The following DDIAS variants were observed in gnomAD, a reference collection of about 807,000 sequenced individuals.
DDIAS encodes DNA damage-induced apoptosis suppressor protein.
A neutral mutation model predicts 15.7 loss-of-function variants in DDIAS; 14 were observed. The ratio of observed to expected loss-of-function variants is 0.89; its 90% CI spans 0.59 to 1.39. The LOEUF (loss-of-function observed/expected upper bound fraction) is 1.39. Among genes scored for constraint, DDIAS ranks in the 40% most tolerant of loss-of-function variants. DDIAS has a pLI of 0.00. For missense variants in DDIAS, 1,035 were observed against 1,130.9 expected (o/e 0.92, Z 1.22); for synonymous variants, 355 against 395.9 (o/e 0.90, Z 1.23).
intron 1 of DDIAS, among the ~76,000 whole-genome samples, chr11:82,910,138 T>G (rs1318250269): frequency 6.6e-6 from 1 of 152,240 alleles, no homozygotes; most frequent in African/African-American, 2.4e-5. Context: ...TTGAAAGTTT[T>G]TGCCATGTGT....
intron 1 of DDIAS, among the ~76,000 whole-genome samples, chr11:82,906,517 A>C (rs1165871427): frequency 1.3e-5 from 2 of 151,886 alleles, no homozygotes; most frequent in Non-Finnish European, 1.5e-5. Flanking sequence ...CCAATTAGCA[A>C]TTTTTTTTAG....
intron 1 of DDIAS, among the ~76,000 whole-genome samples, chr11:82,905,504 C>G (rs1300971966): frequency 1.3e-5 from 2 of 152,048 alleles, no homozygotes; most frequent in African/African-American, 4.8e-5. Flanking sequence ...CACTACCACC[C>G]TGAGAAAATA....
intron 3 of DDIAS, among the ~76,000 whole-genome samples, chr11:82,918,480 G>T (rs1489724662): frequency 6.6e-6 from 1 of 152,184 alleles, no homozygotes; most frequent in East Asian, 1.9e-4. Context: ...GGTGACGATG[G>T]CCTTATAGTA....
intron 3 of DDIAS, among the ~76,000 whole-genome samples, chr11:82,920,999 G>A (rs1860735643): frequency 6.6e-6 from 1 of 152,040 alleles, no homozygotes; most frequent in Non-Finnish European, 1.5e-5. Context: ...CTATTATTGT[G>A]TTGCTGTCTA....
chr11:82,912,691 T>A lies in DDIAS; in HGVS notation c.-116-596T>A, dbSNP rs185969698. Among the ~76,000 whole-genome samples, 499 of 152,346 alleles carry A rather than the reference T, an allele frequency of 3.3e-3. 9 individuals carry two copies. The highest frequency in any genetic ancestry group is 5.0e-3 in the East Asian group (26 of 5,192). Reference sequence around the variant, plus strand: ...GAGTAGCACTTTTAATTTCCTTCAATAACATTTCCTTTACATTCACAACTT... The same window carrying A: ...GAGTAGCACTTTTAATTTCCTTCAAAAACATTTCCTTTACATTCACAACTT... On this transcript the variant is annotated intron_variant, in intron 1 of 5. Coordinates refer to ENST00000533655, the MANE Select transcript of DDIAS (RefSeq NM_145018.4).
At chr11:82,930,986 TTCCCC>T (rs901729552) in intron 5 of DDIAS, among the ~76,000 whole-genome samples, 3 of 152,106 alleles carry the variant, frequency 2.0e-5, no homozygotes, top group Non-Finnish European at 4.4e-5. Flanking sequence ...CCTCCCCTTT[TTCCCC>T]TCCCCTCCCC....
chr11:82,922,947 A>AT (rs1224968544), intron 3 of DDIAS, among the ~76,000 whole-genome samples: 1 of 151,912 alleles, frequency 6.6e-6, no homozygotes, highest in Non-Finnish European at 1.5e-5. Flanking sequence ...AGCTGCAGTG[A>AT]TTGTTATCTC....
At chr11:82,906,196 C>T (rs780829740) in intron 1 of DDIAS, among the ~76,000 whole-genome samples, 24 of 152,088 alleles carry the variant, frequency 1.6e-4, no homozygotes, top group African/African-American at 5.3e-4. Flanking sequence ...CTGTCTGAAA[C>T]GATCTTATTC....
At chr11:82,907,933 C>T (rs182790376) in intron 1 of DDIAS, among the ~76,000 whole-genome samples, 2 of 152,192 alleles carry the variant, frequency 1.3e-5, no homozygotes, top group African/African-American at 2.4e-5. Flanking sequence ...ACTAGGTCCC[C>T]GTCTTTATGA....
chr11:82,926,000 A>T lies in DDIAS; in HGVS notation c.114-2777A>T, dbSNP rs536317890. Among the ~76,000 whole-genome samples the T allele has an allele frequency of 8.4e-4, 122 of 144,494 alleles. 1 individual carries two copies. The highest frequency in any genetic ancestry group is 2.0e-3 in the Admixed American group (28 of 14,318). 94.8% of individuals were successfully genotyped at this position (144,494 alleles called of 152,430 possible). ...GACACTGTCTCAAAAAAAAAAAAAA[A>T]TTTTGACTATGGTAATCATTATACA... On this transcript the variant is annotated intron_variant, in intron 3 of 5. Transcript: ENST00000533655.
intron 5 of DDIAS, among the ~76,000 whole-genome samples, 153 bp downstream of exon 5, chr11:82,930,427 T>TAAA: frequency 6.6e-6 from 1 of 152,332 alleles, no homozygotes; most frequent in Admixed American, 6.5e-5. Context: ...GGTGGTCTGT[T>TAAA]AAAACACCAT....
rs369187407 is a variant in DDIAS at position 82,933,234 on chromosome 11, A to C, written c.1896A>C (p.Thr632=). Residue 632 remains threonine, a synonymous_variant, in exon 6 of 6, where the codon ACA becomes ACC. Transcript: ENST00000533655. ...DDSFTICRKL[T]YPLETLCNSP... ...GTTTTACAATTTGCAGGAAACTTAC[A>C]TATCCTTTAGAAACTCTTTGCAATA... 1.2e-6 allele frequency: 2 copies of C among 1,612,184 alleles called. No homozygotes were observed. Among genetic ancestry groups the C allele is most frequent in the African/African-American group, 2.7e-5 (2 of 74,808 alleles).
chr11:82,903,697 C>T (rs951329254), intron 1 of DDIAS, among the ~76,000 whole-genome samples: 1 of 152,088 alleles, frequency 6.6e-6, no homozygotes, highest in South Asian at 2.1e-4. Context: ...AAAAATTAAA[C>T]AAGTATGTGC....
intron 5 of DDIAS, 86 bp from the exon 6 acceptor site, chr11:82,931,646 A>G: frequency 8.0e-7 from 1 of 1,253,106 alleles, no homozygotes; most frequent in South Asian, 1.5e-5. Flanking sequence ...GGCATGAGCC[A>G]CTGTGCCTGG....
At chr11:82,926,168 C>T (rs113602539) in intron 3 of DDIAS, among the ~76,000 whole-genome samples, 2 of 150,486 alleles carry the variant, frequency 1.3e-5, no homozygotes, top group African/African-American at 4.9e-5. Context: ...CAGCTCACCA[C>T]AACCTCTGCC....
intron 4 of DDIAS, 52 bp downstream of exon 4, chr11:82,928,990 T>A: frequency 1.3e-6 from 2 of 1,557,452 alleles, no homozygotes; most frequent in Non-Finnish European, 1.7e-6. Context: ...AATTTGAAGA[T>A]ACAAGTTTAT....
At chr11:82,912,387 G>A (rs1038856420) in intron 1 of DDIAS, among the ~76,000 whole-genome samples, 3 of 152,136 alleles carry the variant, frequency 2.0e-5, no homozygotes, top group Admixed American at 6.5e-5. Flanking sequence ...CTACATCAGC[G>A]CTTGCTGCTT....
At position 82,933,643 on chromosome 11, in the gene DDIAS, G is replaced by C; in HGVS notation, c.2305G>C (p.Val769Leu). 3 of 1,613,926 alleles carry C rather than the reference G, an allele frequency of 1.9e-6. No homozygotes were observed. The highest frequency in any genetic ancestry group is 2.5e-6 in the Non-Finnish European group (3 of 1,179,926). The stretch of plus-strand genomic sequence containing the variant: ...TAATTTTGAAAATAGTCAAGACTTT[G>C]TTCCATGTTCACAGTCAACTCCAAT... ...EYNFENSQDF[V>L]PCSQSTPISG... The change falls in exon 6 of 6, where the codon GTT (valine) becomes CTT (leucine). Residue 769 changes from valine (V) to leucine (L), a missense_variant. Coordinates refer to ENST00000533655, the MANE Select transcript of DDIAS (RefSeq NM_145018.4).
intron 3 of DDIAS, among the ~76,000 whole-genome samples, chr11:82,924,172 C>T (rs10736758): frequency 0.47 from 71,766 of 152,008 alleles, 17,110 homozygotes; most frequent in African/African-American, 0.53. Context: ...AGTTTTCTTA[C>T]TTTGTGGGGG....
Sources: allele counts gnomAD v4.1 joint callset (sites outside exome capture counted in the v4.1 genomes callset), GRCh38; gene constraint gnomAD v4.1.1; transcripts MANE v1.5; gene names NCBI Gene and HGNC (gene_info 2026-07-23, HGNC 2026-07-21).